Variants in KANSL1 observed in about 807,000 individuals in gnomAD.
KANSL1 encodes the protein MLL1/MLL complex subunit KANSL1.
Under a neutral mutation model 103.6 loss-of-function variants are expected in KANSL1, and 22 were observed. That is an observed-to-expected ratio of 0.21 (90% CI 0.15 to 0.30). KANSL1 has a LOEUF of 0.30. Ranked by LOEUF, KANSL1 falls within the 10% of genes least tolerant of loss-of-function variation. The pLI is 1.00. For missense variants in KANSL1, 1,337 were observed against 1,399.8 expected (o/e 0.96, Z 0.72); for synonymous variants, 600 against 527.6 (o/e 1.14, Z -1.88).
intron 2 of KANSL1, among the ~76,000 whole-genome samples, chr17:46,140,873 A>C (rs1382848565): frequency 1.3e-5 from 2 of 152,214 alleles, no homozygotes; most frequent in African/African-American, 2.4e-5. Flanking sequence ...AGACAATTAG[A>C]AGCATTGGCA....
At chr17:46,089,966 C>T (rs1025883613) in intron 3 of KANSL1, among the ~76,000 whole-genome samples, 1 of 152,216 alleles carries the variant, frequency 6.6e-6, no homozygotes, top group Non-Finnish European at 1.5e-5. Context: ...TGAATATTGT[C>T]TCTTCCAAAT....
At chr17:46,209,685 G>A (rs1269143248) in intron 1 of KANSL1, among the ~76,000 whole-genome samples, 1 of 152,110 alleles carries the variant, frequency 6.6e-6, no homozygotes, top group Admixed American at 6.6e-5. Flanking sequence ...GTAGAGACAG[G>A]GTTTCACTAT....
rs1221529726 is a variant in KANSL1, at chr17:46,171,939, T to C, written c.205A>G (p.Lys69Glu). ...GGTTGCAGCTTTCCCAAGTCTTCCT[T>C]GGTAGGATTATTTCGGAAATCTAGG... The part of the protein sequence containing the change: ...PSLDFRNNPT[K>E]EDLGKLQPLV... Residue 69 changes from lysine to glutamate, a missense_variant, in exon 2 of 15, where the codon AAG (lysine) becomes GAG (glutamate). Coordinates refer to ENST00000432791, the MANE Select transcript of KANSL1 (RefSeq NM_015443.4). The C allele has an allele frequency of 2.5e-6, 4 of 1,614,136 alleles. No homozygotes were observed. Among genetic ancestry groups the C allele is most frequent in the East Asian group, 2.2e-5 (1 of 44,902 alleles).
At chr17:46,195,916 C>T (rs2047591565), upstream of KANSL1, 1 of 157,546 alleles carries the variant, frequency 6.3e-6, no homozygotes, top group African/African-American at 2.4e-5. Context: ...AAAACACCTA[C>T]ATACAAAATA....
chr17:46,129,410 T>C (rs746403569), intron 2 of KANSL1, among the ~76,000 whole-genome samples: 1 of 152,204 alleles, frequency 6.6e-6, no homozygotes, highest in Non-Finnish European at 1.5e-5. Flanking sequence ...ATGGAACGTA[T>C]ATATATAAAA....
At chr17:46,184,541 C>T (rs1306526441) in intron 1 of KANSL1, among the ~76,000 whole-genome samples, 2 of 152,226 alleles carry the variant, frequency 1.3e-5, no homozygotes, top group Non-Finnish European at 2.9e-5. Context: ...AAATTCCCCA[C>T]ACACCATTAT....
intron 2 of KANSL1, among the ~76,000 whole-genome samples, chr17:46,118,129 G>A (rs727425): frequency 0.14 from 21,661 of 151,876 alleles, 2,121 homozygotes; most frequent in Non-Finnish European, 0.22. Flanking sequence ...TATGAAGCAA[G>A]CTTTACACAC....
At chr17:46,207,249 C>T (rs1226721724) in intron 1 of KANSL1, among the ~76,000 whole-genome samples, 4 of 152,178 alleles carry the variant, frequency 2.6e-5, no homozygotes, top group African/African-American at 7.2e-5. Context: ...CGGTGGCTCA[C>T]GCCTGTAATC....
chr17:46,098,883 G>T (rs865809669), intron 2 of KANSL1, among the ~76,000 whole-genome samples: 3 of 152,212 alleles, frequency 2.0e-5, no homozygotes, highest in Admixed American at 6.5e-5. Flanking sequence ...AGCAATATGA[G>T]CAGAAAGCTA....
At chr17:46,176,308 G>A (rs1444686051) in intron 1 of KANSL1, among the ~76,000 whole-genome samples, 2 of 152,198 alleles carry the variant, frequency 1.3e-5, no homozygotes, top group Non-Finnish European at 2.9e-5. Flanking sequence ...CATCACAGAA[G>A]GTGCTTAAGT....
chr17:46,074,528 G>A (rs1344303968), intron 4 of KANSL1, among the ~76,000 whole-genome samples: 1 of 152,000 alleles, frequency 6.6e-6, no homozygotes, highest in Non-Finnish European at 1.5e-5. Context: ...ATGAGCAACA[G>A]AATATTTACA....
At chr17:46,062,750 T>G (rs928777435) in intron 6 of KANSL1, among the ~76,000 whole-genome samples, 2 of 151,946 alleles carry the variant, frequency 1.3e-5, no homozygotes, top group African/African-American at 2.4e-5. Flanking sequence ...TGATAGCCCT[T>G]TAAAAACACA....
In KANSL1 at chr17:46,137,648, G is replaced by A. The variant is rs578008531; in HGVS notation, c.1289+33207C>T. Among the ~76,000 whole-genome samples the A allele has an allele frequency of 3.3e-5, 5 of 152,300 alleles. 1 individual carries two copies. In the East Asian group the frequency reaches 5.8e-4, roughly 18 times the overall value. On this transcript the variant is annotated intron_variant, in intron 2 of 14. Coordinates refer to ENST00000432791, the MANE Select transcript of KANSL1 (RefSeq NM_015443.4). Reference sequence around the variant, plus strand: ...CCCAGCACTTTGGGAGGCCAAGGCAGGCTGATCACAAGGTCAGGAGATCGA... The same window carrying A: ...CCCAGCACTTTGGGAGGCCAAGGCAAGCTGATCACAAGGTCAGGAGATCGA...
intron 1 of KANSL1, among the ~76,000 whole-genome samples, chr17:46,176,443 C>T (rs2046522842): frequency 6.6e-6 from 1 of 152,212 alleles, no homozygotes. Flanking sequence ...GTAATCCCAG[C>T]ATTTTGGGAG....
upstream of KANSL1, chr17:46,196,753 G>A (rs1368093525): frequency 1.6e-5 from 4 of 246,360 alleles, no homozygotes; most frequent in South Asian, 4.2e-5. Context: ...TTTAGTATTT[G>A]TATCTTACTT....
intron 4 of KANSL1, among the ~76,000 whole-genome samples, chr17:46,071,979 C>T (rs1190481750): frequency 7.2e-6 from 1 of 138,090 alleles, no homozygotes; most frequent in East Asian, 1.9e-4. Context: ...AATTGCTCCC[C>T]CCACCCCTCC....
At chr17:46,050,456 A>T in intron 7 of KANSL1, 77 bp downstream of exon 7, 2 of 1,418,024 alleles carry the variant, frequency 1.4e-6, no homozygotes, top group Middle Eastern at 1.8e-4. Flanking sequence ...TTGTAACTGC[A>T]CCTTGGCTGA....
intron 1 of KANSL1, among the ~76,000 whole-genome samples, chr17:46,213,332 G>A (rs1342488292): frequency 1.3e-5 from 2 of 152,232 alleles, no homozygotes; most frequent in South Asian, 2.1e-4. Flanking sequence ...ACGGAGTCTC[G>A]CTCTGTGGCC....
intron 2 of KANSL1, among the ~76,000 whole-genome samples, chr17:46,169,757 A>T (rs1181802580): frequency 6.6e-6 from 1 of 152,222 alleles, no homozygotes; most frequent in East Asian, 1.9e-4. Flanking sequence ...GTACTGCTTT[A>T]TTTAATTAAG....
Sources: allele counts gnomAD v4.1 joint callset (sites outside exome capture counted in the v4.1 genomes callset), GRCh38; gene constraint gnomAD v4.1.1; transcripts MANE v1.5; gene names NCBI Gene and HGNC (gene_info 2026-07-23, HGNC 2026-07-21).